The following ULK4 variants were observed in gnomAD, a reference collection of about 807,000 sequenced individuals.
ULK4 encodes inactive serine/threonine-protein kinase ULK4.
Under a neutral mutation model 160.6 loss-of-function variants are expected in ULK4, and 133 were observed. That is an observed-to-expected ratio of 0.83 (90% CI 0.72 to 0.96). ULK4 has a LOEUF of 0.96. Ranked by LOEUF, ULK4 falls within the 40% of genes least tolerant of loss-of-function variation. The probability of loss-of-function intolerance (pLI) is 0.00; values close to 1 mark genes in which losing one functional copy is unlikely to be tolerated. For synonymous variants in ULK4, 534 were observed against 539.8 expected, an observed-to-expected ratio of 0.99 and a Z score of 0.15; for missense variants, 1,580 against 1,499.5, an observed-to-expected ratio of 1.05 and a Z score of -0.89.
intron 17 of ULK4, among the ~76,000 whole-genome samples, chr3:41,841,514 A>G (rs1174826510): frequency 6.8e-6 from 1 of 147,340 alleles, no homozygotes; most frequent in Non-Finnish European, 1.5e-5. Context: ...GGAAGTGAGA[A>G]GCACCTCTGC....
intron 34 of ULK4, among the ~76,000 whole-genome samples, chr3:41,432,794 G>T (rs1183108215): frequency 6.6e-6 from 1 of 151,868 alleles, no homozygotes; most frequent in Non-Finnish European, 1.5e-5. Context: ...AGAACCAATG[G>T]AACAAAATGC....
At chr3:41,860,421 A>G (rs951381172) in intron 17 of ULK4, among the ~76,000 whole-genome samples, 2 of 152,198 alleles carry the variant, frequency 1.3e-5, no homozygotes, top group East Asian at 3.9e-4. Context: ...GTACATATAT[A>G]TTTTACATTG....
chr3:41,779,961 T>C (rs1216191626), intron 21 of ULK4, among the ~76,000 whole-genome samples: 18 of 86,558 alleles, frequency 2.1e-4, no homozygotes, highest in African/African-American at 8.8e-4. Flanking sequence ...AATGTGCACA[T>C]GTACCCTAAA....
At chr3:41,391,626 C>T (rs2081958951) in intron 35 of ULK4, among the ~76,000 whole-genome samples, 1 of 151,838 alleles carries the variant, frequency 6.6e-6, no homozygotes, top group Admixed American at 6.6e-5. Flanking sequence ...CTGGTTTCCT[C>T]ATCTGGTCTC....
intron 35 of ULK4, among the ~76,000 whole-genome samples, chr3:41,252,404 A>T (rs1003352228): frequency 1.3e-5 from 2 of 152,228 alleles, no homozygotes; most frequent in African/African-American, 2.4e-5. Context: ...CAAGTATTAC[A>T]ATAGAATATA....
intron 17 of ULK4, among the ~76,000 whole-genome samples, chr3:41,859,118 C>A (rs1461846503): frequency 6.6e-6 from 1 of 152,108 alleles, no homozygotes; most frequent in Non-Finnish European, 1.5e-5. Context: ...TTTCTGGAGT[C>A]AGCACAGTTC....
chr3:41,837,561 A>G (rs766491094), intron 17 of ULK4, among the ~76,000 whole-genome samples: 14 of 146,728 alleles, frequency 9.5e-5, no homozygotes, highest in Non-Finnish European at 1.5e-4. Context: ...GCATATATCA[A>G]TAACTTTTTT....
intron 35 of ULK4, among the ~76,000 whole-genome samples, chr3:41,373,158 A>G (rs2081405581): frequency 6.6e-6 from 1 of 152,206 alleles, no homozygotes; most frequent in Admixed American, 6.5e-5. Flanking sequence ...AGAGACCTAC[A>G]AAGAGACTTA....
intron 35 of ULK4, among the ~76,000 whole-genome samples, chr3:41,338,284 C>T (rs1004921038): frequency 5.3e-5 from 8 of 152,178 alleles, no homozygotes; most frequent in South Asian, 2.1e-4. Context: ...TGGGGCAGAA[C>T]GGCCCCTGGA....
At chr3:41,592,657 A>G (rs1207674881) in intron 31 of ULK4, among the ~76,000 whole-genome samples, 2 of 152,264 alleles carry the variant, frequency 1.3e-5, no homozygotes, top group Non-Finnish European at 2.9e-5. Context: ...AGTAAAAAAT[A>G]GCAAACCTAA....
intron 2 of ULK4, among the ~76,000 whole-genome samples, chr3:41,949,180 G>A (rs1700205691): frequency 6.6e-6 from 1 of 151,866 alleles, no homozygotes; most frequent in Non-Finnish European, 1.5e-5. Context: ...GTGGTGGCAG[G>A]CACCTGAAAT....
chr3:41,318,717 C>G (rs2080191228), intron 35 of ULK4, among the ~76,000 whole-genome samples: 1 of 152,158 alleles, frequency 6.6e-6, no homozygotes, highest in African/African-American at 2.4e-5. Flanking sequence ...GGAGTGACAG[C>G]AGCAGGCAAT....
At chr3:41,918,561 G>C (rs1699053555) in intron 6 of ULK4, 21 bp from the exon 7 acceptor site, 1 of 1,333,686 alleles carries the variant, frequency 7.5e-7, no homozygotes. Context: ...ATGAAAACTT[G>C]CAAAATGAAA....
intron 27 of ULK4, among the ~76,000 whole-genome samples, chr3:41,695,993 T>A (rs984196949): frequency 3.3e-5 from 5 of 152,176 alleles, no homozygotes; most frequent in African/African-American, 1.2e-4. Context: ...GGCTCCTTGG[T>A]CTAGCGGTAA....
chr3:41,919,917 G>T, intron 5 of ULK4, 99 bp from the exon 6 acceptor site: 1 of 626,370 alleles, frequency 1.6e-6, no homozygotes. Context: ...AAGGGCAGGA[G>T]AAAAACATGC....
intron 4 of ULK4, among the ~76,000 whole-genome samples, chr3:41,932,578 G>T (rs1471731530): frequency 6.6e-6 from 1 of 152,242 alleles, no homozygotes; most frequent in Non-Finnish European, 1.5e-5. Context: ...TAAAGGGTTT[G>T]TAACAGTCAC....
At chr3:41,804,637 T>C (rs1380890320) in intron 19 of ULK4, among the ~76,000 whole-genome samples, 1 of 152,118 alleles carries the variant, frequency 6.6e-6, no homozygotes, top group Non-Finnish European at 1.5e-5. Flanking sequence ...AAGTCTTTAA[T>C]CCATCTTGAA....
At chr3:41,554,533 T>C (rs1305721851) in intron 32 of ULK4, among the ~76,000 whole-genome samples, 1 of 152,102 alleles carries the variant, frequency 6.6e-6, no homozygotes, top group Non-Finnish European at 1.5e-5. Context: ...AGTAGGATGA[T>C]AGTTACCAGA....
chr3:41,670,602 T>C (rs1053640853), intron 29 of ULK4, among the ~76,000 whole-genome samples: 7 of 151,932 alleles, frequency 4.6e-5, no homozygotes, highest in African/African-American at 1.7e-4. Context: ...CATATACATA[T>C]ATATACATAC....
Sources: gnomAD v4.1 joint callset for allele counts (sites outside exome capture counted in the v4.1 genomes callset) on GRCh38, gnomAD v4.1.1 for gene constraint, MANE v1.5 for transcripts, NCBI Gene and HGNC (gene_info 2026-07-23, HGNC 2026-07-21) for gene names.